Variants in GRB10 observed in about 807,000 individuals in gnomAD.
GRB10 encodes the protein growth factor receptor-bound protein 10.
In GRB10, 20 loss-of-function variants were observed where a neutral mutation model predicts 80.9. The ratio of observed to expected loss-of-function variants is 0.25; its 90% confidence interval spans 0.17 to 0.36. The LOEUF is 0.36. Ranked by LOEUF, GRB10 falls within the 10% of genes least tolerant of loss-of-function variation. GRB10 has a pLI of 1.00. For synonymous variants in GRB10, 291 were observed against 291.5 expected, an observed-to-expected ratio of 1.00 and a Z score of 0.02; for missense variants, 548 against 747.7, an observed-to-expected ratio of 0.73 and a Z score of 3.12.
At chr7:50,597,150 AT>A (rs1227502173) in intron 17 of GRB10, among the ~76,000 whole-genome samples, 1 of 152,256 alleles carries the variant, frequency 6.6e-6, no homozygotes, top group Non-Finnish European at 1.5e-5. Flanking sequence ...AGCCTTAAAT[AT>A]GTGAATATTC....
intron 5 of GRB10, among the ~76,000 whole-genome samples, chr7:50,677,312 T>C (rs1054321406): frequency 6.6e-6 from 1 of 152,168 alleles, no homozygotes; most frequent in Admixed American, 6.5e-5. Flanking sequence ...GGCGAACTCT[T>C]GCTCATAGCT....
At chr7:50,681,850 C>A (rs1275489943) in intron 5 of GRB10, among the ~76,000 whole-genome samples, 1 of 152,252 alleles carries the variant, frequency 6.6e-6, no homozygotes, top group Non-Finnish European at 1.5e-5. Context: ...TTGCCCTAGC[C>A]TTCCTGCTTC....
intron 3 of GRB10, among the ~76,000 whole-genome samples, chr7:50,742,866 C>T (rs900877647): frequency 6.6e-6 from 1 of 151,968 alleles, no homozygotes; most frequent in Non-Finnish European, 1.5e-5. Flanking sequence ...AATTCAGTAA[C>T]GCTTTGAAGA....
chr7:50,756,563 G>C (rs928226163), intron 2 of GRB10, among the ~76,000 whole-genome samples: 2 of 152,222 alleles, frequency 1.3e-5, no homozygotes, highest in Admixed American at 6.5e-5. Context: ...TTCCACGAGA[G>C]GGGTGCAGAG....
At chr7:50,648,291 C>T (rs915390402) in intron 7 of GRB10, among the ~76,000 whole-genome samples, 1 of 152,042 alleles carries the variant, frequency 6.6e-6, no homozygotes, top group African/African-American at 2.4e-5. Context: ...CTGCTGCAGG[C>T]CCGGCAAGCG....
intron 5 of GRB10, among the ~76,000 whole-genome samples, chr7:50,684,673 C>T (rs947111089): frequency 4.6e-5 from 7 of 152,336 alleles, no homozygotes; most frequent in African/African-American, 1.7e-4. Flanking sequence ...ATTTAATATG[C>T]ACAGATTCAG....
intron 5 of GRB10, among the ~76,000 whole-genome samples, chr7:50,691,217 C>T (rs992524001): frequency 5.9e-5 from 9 of 152,126 alleles, no homozygotes; most frequent in Non-Finnish European, 1.5e-5. Flanking sequence ...TTGGTTTGAG[C>T]CACTGAACGA....
At chr7:50,686,916 G>A (rs191526265) in intron 5 of GRB10, among the ~76,000 whole-genome samples, 109 of 152,124 alleles carry the variant, frequency 7.2e-4, no homozygotes, top group Admixed American at 1.4e-3. Context: ...CTCACTAAAT[G>A]TAAGTTTTAT....
intron 5 of GRB10, among the ~76,000 whole-genome samples, chr7:50,689,004 G>A (rs1383577413): frequency 1.3e-5 from 2 of 152,178 alleles, no homozygotes; most frequent in Non-Finnish European, 2.9e-5. Flanking sequence ...GCTGGAGGGT[G>A]GAGGCCAGGA....
In GRB10 at chr7:50,593,090, G is replaced by A. The variant is rs3807550; in HGVS notation, c.1647C>T (p.Asp549=). 0.1 allele frequency: 162,079 copies of A among 1,613,976 alleles called. 9,548 individuals are homozygous for A. Among genetic ancestry groups the A allele is most frequent in the South Asian group, 0.13 (11,898 of 91,078 alleles). The change falls in exon 19 of 19, where the codon GAC becomes GAT. Residue 549 remains aspartate (D), a synonymous_variant. Transcript: ENST00000401949. ...CTAGGCTGAAGAACGTCTGCCCGTC[G>A]TCCTCGCACTGGAGAGACACAAGAA... is the stretch of plus-strand genomic sequence containing the variant. ...IKNFQILPCE[D]DGQTFFSLDD... is the part of the protein sequence containing the mutation.
intron 3 of GRB10, among the ~76,000 whole-genome samples, chr7:50,737,304 T>C (rs1423313023): frequency 6.6e-6 from 1 of 152,168 alleles, no homozygotes; most frequent in Non-Finnish European, 1.5e-5. Context: ...CCTAGTGCTA[T>C]CTCATGATAA....
At chr7:50,650,372 C>T (rs908770157) in intron 7 of GRB10, among the ~76,000 whole-genome samples, 1 of 152,134 alleles carries the variant, frequency 6.6e-6, no homozygotes, top group Non-Finnish European at 1.5e-5. Context: ...GGGAGTCAAG[C>T]AGCTGGTCCT....
intron 3 of GRB10, among the ~76,000 whole-genome samples, chr7:50,738,191 T>C (rs1301046051): frequency 3.3e-5 from 5 of 152,174 alleles, no homozygotes; most frequent in African/African-American, 9.7e-5. Flanking sequence ...GTTGCTGTGG[T>C]TGAAAATAAT....
intron 7 of GRB10, among the ~76,000 whole-genome samples, chr7:50,643,254 T>C (rs2056609425): frequency 6.6e-6 from 1 of 152,106 alleles, no homozygotes. Context: ...CCATGTACAC[T>C]GGGGAAAGAC....
At chr7:50,594,628 A>C (rs1228378345) in intron 18 of GRB10, among the ~76,000 whole-genome samples, 1 of 152,210 alleles carries the variant, frequency 6.6e-6, no homozygotes, top group Non-Finnish European at 1.5e-5. Context: ...TGCAGAATTT[A>C]TCAATTCAGC....
chr7:50,718,340 G>A (rs1201178104), intron 4 of GRB10, among the ~76,000 whole-genome samples: 1 of 152,142 alleles, frequency 6.6e-6, no homozygotes, highest in Non-Finnish European at 1.5e-5. Context: ...CCATCTGCAT[G>A]GGTTAGTTAC....
At chr7:50,630,557 C>G (rs2053807824) in intron 7 of GRB10, among the ~76,000 whole-genome samples, 1 of 152,184 alleles carries the variant, frequency 6.6e-6, no homozygotes, top group African/African-American at 2.4e-5. Context: ...GGGCAGGACC[C>G]TGAAAGCTGC....
intron 17 of GRB10, among the ~76,000 whole-genome samples, chr7:50,603,532 G>A (rs1021839577): frequency 6.6e-5 from 10 of 152,168 alleles, no homozygotes; most frequent in African/African-American, 2.4e-4. Context: ...GGACTGTCCA[G>A]CCCCAGCCAA....
chr7:50,612,332 T>A (rs1195039025), intron 13 of GRB10, among the ~76,000 whole-genome samples: 1 of 152,168 alleles, frequency 6.6e-6, no homozygotes, highest in African/African-American at 2.4e-5. Context: ...CAATTCCCCA[T>A]CCTCTGGCTT....
Sources: gnomAD v4.1 joint callset for allele counts (sites outside exome capture counted in the v4.1 genomes callset) on GRCh38, gnomAD v4.1.1 for gene constraint, MANE v1.5 for transcripts, NCBI Gene and HGNC (gene_info 2026-07-23, HGNC 2026-07-21) for gene names.